Variants in SCRG1 observed in about 807,000 individuals in gnomAD.
SCRG1 encodes the protein stimulator of chondrogenesis 1.
SCRG1 carries 3 observed loss-of-function variants against 7.7 expected under a neutral mutation model. That is an observed-to-expected ratio of 0.39 (90% CI 0.18 to 1.01). The LOEUF (loss-of-function observed/expected upper bound fraction) is 1.01. Among genes scored for constraint, SCRG1 ranks in the 50% least tolerant of loss-of-function variants. The pLI is 0.36. For synonymous variants in SCRG1, 46 were observed against 41.2 expected, an observed-to-expected ratio of 1.12 and a Z score of -0.44; for missense variants, 110 against 117.2, an observed-to-expected ratio of 0.94 and a Z score of 0.28.
At chr4:173,474,543 T>C in the SCRG1 span, among the ~76,000 whole-genome samples, 1 of 152,228 alleles carries the variant, frequency 6.6e-6, no homozygotes, top group East Asian at 1.9e-4. Context: ...TATGTGAGTT[T>C]TTGTGATTAT....
chr4:173,455,730 G>A, the SCRG1 span, among the ~76,000 whole-genome samples: 7 of 152,120 alleles, frequency 4.6e-5, no homozygotes, highest in Non-Finnish European at 1.0e-4. Context: ...AAATGACCGC[G>A]CCCAAAGCAT....
chr4:173,453,642 T>C, the SCRG1 span, among the ~76,000 whole-genome samples: 1 of 152,220 alleles, frequency 6.6e-6, no homozygotes, highest in Non-Finnish European at 1.5e-5. Flanking sequence ...TTAAAAAATA[T>C]GGTGTGATAA....
the SCRG1 span, among the ~76,000 whole-genome samples, chr4:173,455,603 T>G: frequency 1.3e-5 from 2 of 152,118 alleles, no homozygotes; most frequent in Non-Finnish European, 2.9e-5. Flanking sequence ...GAAGTTTGCA[T>G]AGCAGCCAGT....
At chr4:173,389,492 T>C (rs371655184) in intron 2 of SCRG1, 16 of 167,478 alleles carry the variant, frequency 9.6e-5, no homozygotes, top group Non-Finnish European at 1.5e-4. Flanking sequence ...GACGAGATCG[T>C]GCCACTGCAC....
the SCRG1 span, among the ~76,000 whole-genome samples, chr4:173,513,416 G>A: frequency 6.6e-6 from 1 of 152,108 alleles, no homozygotes; most frequent in Admixed American, 6.6e-5. Context: ...TAAACTTAAA[G>A]TACATGAGTA....
the SCRG1 span, among the ~76,000 whole-genome samples, chr4:173,493,574 C>T: frequency 5.1e-4 from 76 of 149,508 alleles, no homozygotes; most frequent in Non-Finnish European, 4.9e-4. Flanking sequence ...GCCAAGATCG[C>T]GCCACTGTTC....
chr4:173,428,521 A>C, the SCRG1 span, among the ~76,000 whole-genome samples: 1 of 152,216 alleles, frequency 6.6e-6, no homozygotes, highest in African/African-American at 2.4e-5. Flanking sequence ...TCTCCCCTTC[A>C]GGACATCCTT....
chr4:173,510,252 A>G, the SCRG1 span, among the ~76,000 whole-genome samples: 2 of 152,114 alleles, frequency 1.3e-5, no homozygotes, highest in African/African-American at 4.8e-5. The surrounding 1 kb of genome is among the most constrained non-coding windows in gnomAD (Gnocchi z 5.7). Context: ...ACTGCTCCCC[A>G]GCAATGGAAG....
the SCRG1 span, among the ~76,000 whole-genome samples, chr4:173,485,522 T>C: frequency 6.6e-6 from 1 of 151,890 alleles, no homozygotes. Context: ...CCAGCACAAA[T>C]TGCAGAATTA....
At chr4:173,508,183 T>A in the SCRG1 span, among the ~76,000 whole-genome samples, 5 of 152,144 alleles carry the variant, frequency 3.3e-5, no homozygotes, top group South Asian at 2.1e-4. The surrounding 1 kb of genome is among the most constrained non-coding windows in gnomAD (Gnocchi z 4.4). Flanking sequence ...CCCGCCTAAA[T>A]GTACAGAGCA....
the SCRG1 span, among the ~76,000 whole-genome samples, chr4:173,461,679 C>T: frequency 6.6e-6 from 1 of 152,174 alleles, no homozygotes; most frequent in African/African-American, 2.4e-5. Context: ...CTAGCATCAA[C>T]ACCATCCAAG....
chr4:173,419,915 C>T, the SCRG1 span: 2 of 847,000 alleles, frequency 2.4e-6, no homozygotes, highest in South Asian at 1.3e-5. Flanking sequence ...GGCCTTCACA[C>T]CATATTTTGT....
At chr4:173,514,897 T>G in the SCRG1 span, among the ~76,000 whole-genome samples, 1 of 152,174 alleles carries the variant, frequency 6.6e-6, no homozygotes, top group Non-Finnish European at 1.5e-5. Context: ...ATGCTATATA[T>G]CAAGTCACAA....
chr4:173,448,599 C>T, the SCRG1 span, among the ~76,000 whole-genome samples: 5 of 152,234 alleles, frequency 3.3e-5, no homozygotes, highest in Non-Finnish European at 1.5e-5. Flanking sequence ...CTAGCCTTAA[C>T]ATCAGCAAAA....
chr4:173,478,658 T>C, the SCRG1 span, among the ~76,000 whole-genome samples: 1 of 152,250 alleles, frequency 6.6e-6, no homozygotes, highest in East Asian at 1.9e-4. Flanking sequence ...AACACCAGCT[T>C]TTAAGTGAGA....
At chr4:173,494,483 G>A in the SCRG1 span, among the ~76,000 whole-genome samples, 1 of 152,208 alleles carries the variant, frequency 6.6e-6, no homozygotes. Context: ...GCCAACACGG[G>A]GTGCGCTCTT....
At chr4:173,447,331 C>A in the SCRG1 span, among the ~76,000 whole-genome samples, 12,330 of 152,232 alleles carry the variant, frequency 0.081, 593 homozygotes, top group Non-Finnish European at 0.097. Context: ...CTCCCAAAGA[C>A]CCCACCTCCA....
chr4:173,400,308 C>T (rs569857753), upstream of SCRG1, among the ~76,000 whole-genome samples: 37 of 152,016 alleles, frequency 2.4e-4, no homozygotes, highest in East Asian at 3.7e-3. Context: ...GGCCTTTGGA[C>T]GATGATACTG....
the SCRG1 span, among the ~76,000 whole-genome samples, chr4:173,490,530 A>C: frequency 5.9e-5 from 9 of 152,138 alleles, no homozygotes; most frequent in African/African-American, 1.9e-4. Flanking sequence ...TTTTGGCAGA[A>C]AGTTGGTCAT....
Sources: gnomAD v4.1 joint callset for allele counts (sites outside exome capture counted in the v4.1 genomes callset) on GRCh38, gnomAD v4.1.1 for gene constraint, Gnocchi (gnomAD v3.1) non-coding constraint, MANE v1.5 for transcripts, NCBI Gene and HGNC (gene_info 2026-07-23, HGNC 2026-07-21) for gene names.